The following CD99L2 variants were observed in gnomAD, a reference collection of about 807,000 sequenced individuals.
The protein encoded by CD99L2 is CD99 molecule like 2.
In CD99L2, 24 loss-of-function variants were observed where a neutral mutation model predicts 27.3. That is an observed-to-expected ratio of 0.88 (90% CI 0.64 to 1.24). The LOEUF is 1.24. CD99L2 is among the 50% of genes most tolerant of loss of function. The probability of loss-of-function intolerance (pLI) is 0.00; values close to 1 mark genes in which losing one functional copy is unlikely to be tolerated. For missense variants in CD99L2, 255 were observed against 221.6 expected, an observed-to-expected ratio of 1.15 and a Z score of -0.96; for synonymous variants, 97 against 87.9, an observed-to-expected ratio of 1.10 and a Z score of -0.58.
intron 2 of CD99L2, among the ~76,000 whole-genome samples, chrX:150,816,986 G>A (rs1424987380): frequency 1.1e-5 from 1 of 91,196 alleles, no homozygotes; most frequent in Non-Finnish European, 2.1e-5. Context: ...TCATAGGTGG[G>A]AATTGAACAA....
At chrX:150,850,452 C>T (rs782448653) in intron 1 of CD99L2, among the ~76,000 whole-genome samples, 1 of 111,848 alleles carries the variant, frequency 8.9e-6, no homozygotes, top group East Asian at 2.8e-4. Flanking sequence ...TTTCCCATCC[C>T]TACCTAGAAC....
chrX:150,895,296 C>A lies in CD99L2; in HGVS notation c.67+3226G>T, dbSNP rs182284684. On this transcript the variant is annotated intron_variant, in intron 1 of 10. Coordinates refer to ENST00000370377, the MANE Select transcript of CD99L2 (RefSeq NM_031462.4). ...AGCTTCCCATTTCTGGAGGCACATA[C>A]AGGCAGCATACCTGTCCTCAGAGGA... Among the ~76,000 whole-genome samples, 7 of 111,901 alleles carry A rather than the reference C, an allele frequency of 6.3e-5. No individual in the cohort carries two copies. In the East Asian group the frequency reaches 1.7e-3, roughly 27 times the overall value.
At chrX:150,830,480 A>AGTT (rs1557421033) in intron 2 of CD99L2, among the ~76,000 whole-genome samples, 2 of 111,046 alleles carry the variant, frequency 1.8e-5, no homozygotes, top group African/African-American at 6.6e-5. Flanking sequence ...TGAGCCTAGG[A>AGTT]GTTTATGGCT....
chrX:150,862,730 T>C (rs1405201365), intron 1 of CD99L2, among the ~76,000 whole-genome samples: 1 of 110,974 alleles, frequency 9.0e-6, no homozygotes, highest in Non-Finnish European at 1.9e-5. Context: ...ATCCTGGGCC[T>C]GGGGAATAGC....
At chrX:150,841,897 G>A (rs1366032288) in intron 1 of CD99L2, among the ~76,000 whole-genome samples, 1 of 111,473 alleles carries the variant, frequency 9.0e-6, no homozygotes, top group African/African-American at 3.3e-5. Context: ...ACCTCAAAAG[G>A]TGCAAAATAG....
chrX:150,777,386 C>G (rs2043575948), intron 8 of CD99L2, 58 bp downstream of exon 8: 7 of 1,190,677 alleles, frequency 5.9e-6, no homozygotes, highest in Non-Finnish European at 8.0e-6. Flanking sequence ...ATTTTGGGGT[C>G]CTGAGATTCA....
intron 7 of CD99L2, among the ~76,000 whole-genome samples, chrX:150,778,217 A>G (rs1001596458): frequency 9.1e-6 from 1 of 109,713 alleles, no homozygotes; most frequent in Admixed American, 9.7e-5. Flanking sequence ...ACAGACAGCT[A>G]CTCCCTGACA....
intron 1 of CD99L2, among the ~76,000 whole-genome samples, chrX:150,845,814 A>G (rs2046693029): frequency 8.9e-6 from 1 of 112,617 alleles, no homozygotes; most frequent in Non-Finnish European, 1.9e-5. Flanking sequence ...ATGTGTCACA[A>G]GGCTTAGGGT....
intron 2 of CD99L2, chrX:150,829,142 A>G (rs1472267804): frequency 7.2e-5 from 9 of 125,021 alleles, no homozygotes; most frequent in East Asian, 4.9e-4. Flanking sequence ...ACTATGGCAT[A>G]CCGTGCAGTG....
chrX:150,797,908 G>A (rs2045822161), intron 4 of CD99L2, among the ~76,000 whole-genome samples: 1 of 105,890 alleles, frequency 9.4e-6, no homozygotes, highest in Non-Finnish European at 1.9e-5. Flanking sequence ...AGCCAGGTGT[G>A]GTGGCGTGCA....
chrX:150,849,747 C>T (rs929554052), intron 1 of CD99L2, among the ~76,000 whole-genome samples: 14 of 111,491 alleles, frequency 1.3e-4, no homozygotes, highest in Non-Finnish European at 2.4e-4. Flanking sequence ...CATCCTGCTC[C>T]ATAACCTTCT....
Position 150,898,653 on chromosome X carries a change from CGAGGAGGAGCGG to C in CD99L2, c.-77_-66del, listed in dbSNP as rs1332512839. 1.0e-6 allele frequency: 1 copy of C among 987,204 alleles called. No homozygotes were observed. The highest frequency in any genetic ancestry group is 1.3e-6 in the Non-Finnish European group (1 of 759,065). The allele number at this position is 987,204 out of a possible 1,213,427, so 81.4% of individuals were successfully genotyped here. On this transcript the variant is annotated 5_prime_UTR_variant, in exon 1 of 11. Coordinates refer to ENST00000370377, the MANE Select transcript of CD99L2 (RefSeq NM_031462.4). ...GCGCGAGAGCGCCCGAAGGGGAGGC[CGAGGAGGAGCGG>C]GAGGAGGAGCCCCGCCGCCTCTGCA...
chrX:150,889,979 C>T (rs919483637), intron 1 of CD99L2, among the ~76,000 whole-genome samples: 13 of 109,042 alleles, frequency 1.2e-4, no homozygotes, highest in East Asian at 2.9e-4. Flanking sequence ...GGTGAAACCC[C>T]GTCTCTACTA....
At chrX:150,801,070 C>T (rs1741907720) in intron 4 of CD99L2, among the ~76,000 whole-genome samples, 1 of 110,182 alleles carries the variant, frequency 9.1e-6, no homozygotes, top group African/African-American at 3.3e-5. Flanking sequence ...AACAAAACCT[C>T]AACCTCCAGG....
At position 150,803,445 on chromosome X, in the gene CD99L2, A is replaced by T. The variant is rs4258131; in HGVS notation, c.278-7959T>A. Reference sequence around the variant, plus strand: ...GCAAAGACAAACTTAATCTAAAATTATATGAAAAGGCACAGGCCCTAGAAG... The same window carrying T: ...GCAAAGACAAACTTAATCTAAAATTTTATGAAAAGGCACAGGCCCTAGAAG... On this transcript the variant is annotated intron_variant, in intron 4 of 10. Transcript: ENST00000370377. Among the ~76,000 whole-genome samples the T allele has an allele frequency of 8.4e-3, 941 of 112,142 alleles. 11 individuals are homozygous for T. The highest frequency in any genetic ancestry group is 0.029 in the African/African-American group (894 of 30,863).
Position 150,795,462 on chromosome X carries a change from G to A in CD99L2, c.302C>T (p.Thr101Met), listed in dbSNP as rs189223919. The A allele has an allele frequency of 7.1e-5, 86 of 1,209,274 alleles. No homozygotes were observed. In the East Asian group the frequency reaches 9.2e-4, roughly 13 times the overall value. The change falls in exon 5 of 11, where the codon ACG (threonine) becomes ATG (methionine). Residue 101 changes from threonine (T) to methionine (M), a missense_variant. Thr to Met is a moderately conservative substitution (Grantham distance 81). Coordinates refer to ENST00000370377, the MANE Select transcript of CD99L2 (RefSeq NM_031462.4). The stretch of plus-strand genomic sequence containing the variant: ...TCTGGTGGTTACTGGCCTCTTGGTC[G>A]TGGTGGTTACATGGTTCCATCTCTC... ...GRERWNHVTT[T>M]TKRPVTTRAP...
At chrX:150,811,588 A>G (rs1032570309) in intron 4 of CD99L2, among the ~76,000 whole-genome samples, 2 of 111,937 alleles carry the variant, frequency 1.8e-5, no homozygotes, top group East Asian at 5.6e-4. Context: ...AAAACCAGAC[A>G]AAGACATCAC....
intron 4 of CD99L2, among the ~76,000 whole-genome samples, chrX:150,810,266 A>G (rs1296462773): frequency 8.9e-6 from 1 of 112,319 alleles, no homozygotes; most frequent in Non-Finnish European, 1.9e-5. Flanking sequence ...TGTGCTCTCC[A>G]ATCATAATTG....
intron 4 of CD99L2, among the ~76,000 whole-genome samples, chrX:150,812,881 T>C (rs1441204307): frequency 1.8e-5 from 2 of 112,035 alleles, no homozygotes; most frequent in Non-Finnish European, 3.8e-5. Context: ...CACCCAACAA[T>C]ATGAATGGAT....
Sources: gnomAD v4.1 joint callset for allele counts (sites outside exome capture counted in the v4.1 genomes callset) on GRCh38, gnomAD v4.1.1 for gene constraint, MANE v1.5 for transcripts, NCBI Gene and HGNC (gene_info 2026-07-23, HGNC 2026-07-21) for gene names.